PPP3CB: variants seen among roughly 807,000 people sequenced by gnomAD.
The protein encoded by PPP3CB is serine/threonine-protein phosphatase 2B catalytic subunit beta isoform.
Under a neutral mutation model 66.4 loss-of-function variants are expected in PPP3CB, and 8 were observed. The observed-to-expected ratio is 0.12, with a 90% confidence interval of 0.07 to 0.22. PPP3CB has a LOEUF of 0.22. Among genes scored for constraint, PPP3CB ranks in the 10% least tolerant of loss-of-function variants. The pLI, the probability that PPP3CB is intolerant of heterozygous loss-of-function variation, is 1.00. For missense variants in PPP3CB, 319 were observed against 642.5 expected (o/e 0.50, Z 5.44); for synonymous variants, 208 against 221.2 (o/e 0.94, Z 0.53).
At chr10:73,482,542 CAAAA>C (rs537336452) in intron 1 of PPP3CB, among the ~76,000 whole-genome samples, 3 of 36,746 alleles carry the variant, frequency 8.2e-5, no homozygotes, top group African/African-American at 1.9e-4. Flanking sequence ...GACTCCGTCT[CAAAA>C]AAAAAAAAAA....
rs2057225661 is a variant in PPP3CB at position 73,495,997 on chromosome 10, T to G, written c.-108A>C. 5 of 596,268 alleles carry G rather than the reference T, an allele frequency of 8.4e-6. No individual in the cohort carries two copies. Among genetic ancestry groups the G allele is most frequent in the South Asian group, 8.3e-5 (1 of 12,060 alleles). 36.9% of individuals were successfully genotyped at this position (596,268 alleles called of 1,614,324 possible). On this transcript the variant is annotated 5_prime_UTR_variant, in exon 1 of 14. Coordinates refer to ENST00000360663, the MANE Select transcript of PPP3CB (RefSeq NM_021132.4). ...CGCCGGGGAACATGGCGGACCCTCT[T>G]TCCCTACAGAGGGGCTAAGACCGGC...
chr10:73,460,079 G>A (rs956785445), intron 9 of PPP3CB, among the ~76,000 whole-genome samples: 6 of 152,066 alleles, frequency 3.9e-5, no homozygotes, highest in Non-Finnish European at 5.9e-5. Context: ...CGAAGATAAC[G>A]TGAAAGAGAA....
intron 3 of PPP3CB, among the ~76,000 whole-genome samples, chr10:73,475,815 TG>T (rs1463122216): frequency 1.4e-4 from 22 of 152,212 alleles, no homozygotes; most frequent in African/African-American, 5.1e-4. Context: ...ATATTTGATA[TG>T]GAAATAAGCA....
At chr10:73,492,499 A>C (rs1048449688) in intron 1 of PPP3CB, among the ~76,000 whole-genome samples, 2 of 152,252 alleles carry the variant, frequency 1.3e-5, no homozygotes, top group Non-Finnish European at 2.9e-5. Context: ...TTGTGCTTCA[A>C]TTACCTATAC....
chr10:73,448,075 A>G (rs2056287394), intron 10 of PPP3CB, among the ~76,000 whole-genome samples: 1 of 152,190 alleles, frequency 6.6e-6, no homozygotes, highest in African/African-American at 2.4e-5. Context: ...CTTCTAATAA[A>G]TGATTATAAA....
At chr10:73,491,019 A>ATTTTTTTTTTTTTTTTTTTTTT (rs2057064854) in intron 1 of PPP3CB, among the ~76,000 whole-genome samples, 1 of 22,382 alleles carries the variant, frequency 4.5e-5, no homozygotes, top group Non-Finnish European at 1.0e-4. Flanking sequence ...GTTTGTTTTT[A>ATTTTTTTTTTTTTTTTTTTTTT]TTGTTTTTTT....
chr10:73,462,809 G>A (rs562117475), intron 9 of PPP3CB, among the ~76,000 whole-genome samples: 1 of 151,988 alleles, frequency 6.6e-6, no homozygotes, highest in South Asian at 2.1e-4. Flanking sequence ...AATTAGCTAG[G>A]TGTGGTGACA....
intron 1 of PPP3CB, among the ~76,000 whole-genome samples, chr10:73,485,908 T>TTGTGTGTGTGTGTG (rs57190155): frequency 4.0e-4 from 49 of 121,308 alleles, no homozygotes; most frequent in East Asian, 2.0e-3. Context: ...ACCTGGCTAA[T>TTGTGTGTGTGTGTG]TGTGTGTGTG....
Position 73,492,637 on chromosome 10 carries a change from T to C in PPP3CB, c.85+3168A>G, listed in dbSNP as rs1392103380. Reference sequence around the variant, plus strand: ...AATAGAATATAATTAAAAGGGTATATACCATCTTGCTTAATCAGGTGGGTT... The same window carrying C: ...AATAGAATATAATTAAAAGGGTATACACCATCTTGCTTAATCAGGTGGGTT... On this transcript the variant is annotated intron_variant, in intron 1 of 13. Coordinates refer to ENST00000360663, the MANE Select transcript of PPP3CB (RefSeq NM_021132.4). Among the ~76,000 whole-genome samples the C allele has an allele frequency of 3.9e-5, 6 of 152,366 alleles. No individual in the cohort carries two copies. The East Asian group carries it at 9.6e-4, about 24-fold the overall frequency.
chr10:73,462,612 G>C (rs767548566), intron 9 of PPP3CB, among the ~76,000 whole-genome samples: 5 of 151,968 alleles, frequency 3.3e-5, no homozygotes, highest in Non-Finnish European at 7.4e-5. Flanking sequence ...TTGAGGGTAT[G>C]TTAATAAGGA....
chr10:73,486,503 C>A (rs1252807205), intron 1 of PPP3CB, among the ~76,000 whole-genome samples: 1 of 151,702 alleles, frequency 6.6e-6, no homozygotes, highest in Non-Finnish European at 1.5e-5. Context: ...CTGGGTTTCT[C>A]CATGTTGGTC....
At chr10:73,454,544 T>C (rs1453470709) in intron 9 of PPP3CB, 55 bp from the exon 10 acceptor site, 17 of 1,155,404 alleles carry the variant, frequency 1.5e-5, no homozygotes, top group Admixed American at 9.6e-5. Context: ...TGTCTATACA[T>C]ACACATAGCA....
At chr10:73,480,531 G>A (rs1188807425) in intron 1 of PPP3CB, among the ~76,000 whole-genome samples, 2 of 145,438 alleles carry the variant, frequency 1.4e-5, no homozygotes, top group African/African-American at 2.6e-5. Flanking sequence ...TGCAACCTTC[G>A]CCTCCCGGGT....
intron 1 of PPP3CB, among the ~76,000 whole-genome samples, chr10:73,489,430 A>AATT (rs2057037129): frequency 6.6e-6 from 1 of 151,940 alleles, no homozygotes; most frequent in Non-Finnish European, 1.5e-5. Flanking sequence ...TAATAATAAT[A>AATT]ATGGTGATGG....
intron 1 of PPP3CB, among the ~76,000 whole-genome samples, chr10:73,485,950 G>GTGTGTGTGTGTATA (rs58404946): frequency 8.0e-6 from 1 of 124,638 alleles, no homozygotes; most frequent in Non-Finnish European, 1.6e-5. Context: ...GTGTGTGTGT[G>GTGTGTGTGTGTATA]TATTTTTTTT....
chr10:73,491,840 G>A (rs2057082858), intron 1 of PPP3CB, among the ~76,000 whole-genome samples: 1 of 152,122 alleles, frequency 6.6e-6, no homozygotes, highest in Non-Finnish European at 1.5e-5. Flanking sequence ...GGTGGCACAT[G>A]CCTGTAATCC....
intron 1 of PPP3CB, among the ~76,000 whole-genome samples, chr10:73,485,254 A>G (rs2056952889): frequency 6.6e-6 from 1 of 152,168 alleles, no homozygotes; most frequent in Non-Finnish European, 1.5e-5. Flanking sequence ...ATGGTGGCTA[A>G]AAAAACAAGG....
chr10:73,495,005 T>C (rs1307579643), intron 1 of PPP3CB, among the ~76,000 whole-genome samples: 1 of 152,204 alleles, frequency 6.6e-6, no homozygotes, highest in Non-Finnish European at 1.5e-5. Context: ...TGACCTGTTG[T>C]GGGTAAACAT....
chr10:73,470,712 AT>A lies in PPP3CB; in HGVS notation c.956del (p.Asn319IlefsTer3). On this transcript the variant is annotated frameshift_variant, in exon 8 of 14. Coordinates refer to ENST00000360663, the MANE Select transcript of PPP3CB (RefSeq NM_021132.4). LOFTEE classifies it high-confidence loss of function. ...PSLITIFSAPNYLDVYNNKAA... is the reference protein window; with the variant it reads ...PSLITIFSAPXYLDVYNNKAA... Reference sequence around the variant, plus strand: ...CTTTATTATTGTAGACATCTAAGTAATTAGGTGCCGAAAAAATTGTTATTAA... The same window carrying A: ...CTTTATTATTGTAGACATCTAAGTAATAGGTGCCGAAAAAATTGTTATTAA... 6.3e-7 allele frequency: 1 copy of A among 1,593,162 alleles called. No individual in the cohort carries two copies. The highest frequency in any genetic ancestry group is 8.6e-7 in the Non-Finnish European group (1 of 1,164,820).
Sources: allele counts gnomAD v4.1 joint callset (sites outside exome capture counted in the v4.1 genomes callset), GRCh38; gene constraint gnomAD v4.1.1; transcripts MANE v1.5; gene names NCBI Gene and HGNC (gene_info 2026-07-23, HGNC 2026-07-21).